The following ADGRL2 variants were observed in gnomAD, a reference collection of about 807,000 sequenced individuals.
The protein encoded by ADGRL2 is calcium-independent alpha-latrotoxin receptor 2.
A neutral mutation model predicts 157.4 loss-of-function variants in ADGRL2; 44 were observed. That is an observed-to-expected ratio of 0.28 (90% CI 0.22 to 0.36). The LOEUF (loss-of-function observed/expected upper bound fraction) is 0.36. Among genes scored for constraint, ADGRL2 ranks in the 10% least tolerant of loss-of-function variants. The pLI is 1.00. For missense variants in ADGRL2, 1,510 were observed against 1,768.9 expected, an observed-to-expected ratio of 0.85 and a Z score of 2.63; for synonymous variants, 585 against 624.7, an observed-to-expected ratio of 0.94 and a Z score of 0.95.
intron 2 of ADGRL2, among the ~76,000 whole-genome samples, chr1:81,841,761 A>G (rs2092590785): frequency 6.6e-6 from 1 of 152,172 alleles, no homozygotes. Context: ...TGATGTCTTC[A>G]AGTGCCTGAA....
At chr1:81,626,325 G>C (rs2081907824) in intron 3 of ADGRL2, among the ~76,000 whole-genome samples, 1 of 151,792 alleles carries the variant, frequency 6.6e-6, no homozygotes, top group South Asian at 2.1e-4. Flanking sequence ...TTTTTTTTGA[G>C]ACAGTGTCTC....
chr1:81,951,684 C>T (rs757690017), intron 8 of ADGRL2, among the ~76,000 whole-genome samples: 3 of 151,920 alleles, frequency 2.0e-5, no homozygotes, highest in Non-Finnish European at 4.4e-5. Flanking sequence ...TAAATGGTAG[C>T]AGTGAAATGA....
chr1:81,968,218 A>G lies in ADGRL2; in HGVS notation c.2523+19A>G. 1 of 1,600,114 alleles carries G rather than the reference A, an allele frequency of 6.2e-7. No individual in the cohort carries two copies. Among genetic ancestry groups the G allele is most frequent in the Non-Finnish European group, 8.5e-7 (1 of 1,174,408 alleles). On this transcript the variant is annotated intron_variant, in intron 14 of 23. Coordinates refer to ENST00000686636, the MANE Select transcript of ADGRL2 (RefSeq NM_001366006.2). ...AATTGCAGTAAGTATTTGCACTTCT[A>G]ATTAGTAGCAGAGAAAAACCTCAGA...
At chr1:81,911,915 T>A (rs980261309) in intron 3 of ADGRL2, among the ~76,000 whole-genome samples, 4 of 149,368 alleles carry the variant, frequency 2.7e-5, no homozygotes, top group Admixed American at 6.7e-5. Context: ...GGATTGAAAT[T>A]GCCCAGGGAA....
intron 3 of ADGRL2, among the ~76,000 whole-genome samples, chr1:81,624,103 G>T (rs2081857677): frequency 6.6e-6 from 1 of 152,078 alleles, no homozygotes. Flanking sequence ...AAGAGGCAGG[G>T]AAGAACAGTC....
chr1:81,527,594 C>T (rs190432018), intron 2 of ADGRL2, among the ~76,000 whole-genome samples: 10 of 152,184 alleles, frequency 6.6e-5, no homozygotes, highest in Admixed American at 2.0e-4. Context: ...CGCCTGTAAT[C>T]CCAGCTACTC....
intron 2 of ADGRL2, among the ~76,000 whole-genome samples, chr1:81,518,120 C>T (rs1047007351): frequency 6.6e-6 from 1 of 152,182 alleles, no homozygotes; most frequent in Non-Finnish European, 1.5e-5. Context: ...GCGTGACAGG[C>T]GCTAGCCAGG....
chr1:81,618,324 CT>C (rs2081708691), intron 3 of ADGRL2, among the ~76,000 whole-genome samples: 1 of 152,166 alleles, frequency 6.6e-6, no homozygotes, highest in African/African-American at 2.4e-5. Context: ...GAATCCCTTG[CT>C]GTAGCTCATG....
chr1:81,895,785 G>A (rs888633297), intron 2 of ADGRL2, among the ~76,000 whole-genome samples: 1 of 152,062 alleles, frequency 6.6e-6, no homozygotes, highest in Non-Finnish European at 1.5e-5. Flanking sequence ...ATACAACAAC[G>A]TATTAACTAA....
upstream of ADGRL2, among the ~76,000 whole-genome samples, chr1:81,798,029 C>T (rs2087679503): frequency 6.6e-6 from 1 of 152,068 alleles, no homozygotes; most frequent in African/African-American, 2.4e-5. Flanking sequence ...ATGATTTTGC[C>T]ATTACTTAAA....
chr1:81,762,896 C>CA (rs1355594887), intron 2 of ADGRL2, among the ~76,000 whole-genome samples: 1 of 151,378 alleles, frequency 6.6e-6, no homozygotes, highest in Non-Finnish European at 1.5e-5. Flanking sequence ...ACTAAAAATA[C>CA]AAAAAATTAG....
intron 1 of ADGRL2, among the ~76,000 whole-genome samples, chr1:81,725,363 C>A (rs968914752): frequency 6.6e-5 from 10 of 151,744 alleles, no homozygotes; most frequent in African/African-American, 2.4e-4. Flanking sequence ...CATAGTGAAA[C>A]CCTGTCTTTA....
chr1:81,355,558 T>C (rs968406255), intron 1 of ADGRL2, among the ~76,000 whole-genome samples: 1 of 152,144 alleles, frequency 6.6e-6, no homozygotes, highest in Admixed American at 6.5e-5. Context: ...GTATCTGAGG[T>C]GCCTAGCTGG....
At chr1:81,938,742 C>T (rs919969087) in intron 4 of ADGRL2, among the ~76,000 whole-genome samples, 8 of 151,326 alleles carry the variant, frequency 5.3e-5, no homozygotes, top group South Asian at 2.1e-4. Flanking sequence ...ATAAATTGCA[C>T]GGTTTCAACT....
chr1:81,993,760 G>T lies in ADGRL2; in HGVS notation c.*2615G>T, dbSNP rs1482788521. 6.6e-6 allele frequency among the ~76,000 whole-genome samples: 1 copy of T among 151,830 alleles called. No individual in the cohort carries two copies. The highest frequency in any genetic ancestry group is 1.5e-5 in the Non-Finnish European group (1 of 67,982). ...TGTATTTATTAACCCAGTTTCTTTG[G>T]GTCTGCCTAGACTTCACCTGAATGT... On this transcript the variant is annotated 3_prime_UTR_variant, in exon 24 of 24. Coordinates refer to ENST00000686636, the MANE Select transcript of ADGRL2 (RefSeq NM_001366006.2).
At chr1:81,977,839 G>A (rs966595767) in intron 17 of ADGRL2, among the ~76,000 whole-genome samples, 1 of 151,518 alleles carries the variant, frequency 6.6e-6, no homozygotes, top group Non-Finnish European at 1.5e-5. Context: ...CAGAAGTTTG[G>A]GATAAAAGAA....
intron 3 of ADGRL2, among the ~76,000 whole-genome samples, chr1:81,626,761 C>T (rs2081919872): frequency 1.3e-5 from 2 of 152,222 alleles, no homozygotes; most frequent in African/African-American, 4.8e-5. Context: ...GAATGTTCTA[C>T]TTCAGTCCTT....
chr1:81,985,979 C>T (rs1043080185), intron 21 of ADGRL2, among the ~76,000 whole-genome samples: 1 of 151,856 alleles, frequency 6.6e-6, no homozygotes, highest in Non-Finnish European at 1.5e-5. Context: ...ATTTGTAATA[C>T]AAGTTAGAAT....
At chr1:81,356,544 T>A (rs1663303183) in intron 1 of ADGRL2, among the ~76,000 whole-genome samples, 1 of 149,396 alleles carries the variant, frequency 6.7e-6, no homozygotes, top group Non-Finnish European at 1.5e-5. Context: ...TGTGAAGGAA[T>A]CTCTGATTAT....
Sources: gnomAD v4.1 joint callset for allele counts (sites outside exome capture counted in the v4.1 genomes callset) on GRCh38, gnomAD v4.1.1 for gene constraint, MANE v1.5 for transcripts, NCBI Gene and HGNC (gene_info 2026-07-23, HGNC 2026-07-21) for gene names.